The following TCF4 variants were observed in gnomAD, a reference collection of about 807,000 sequenced individuals.
TCF4 encodes the protein SL3-3 enhancer factor 2.
In TCF4, 3 loss-of-function variants were observed where a neutral mutation model predicts 82.1. The ratio of observed to expected loss-of-function variants is 0.04; its 90% CI spans 0.02 to 0.09. The LOEUF is 0.09. Ranked by LOEUF, TCF4 falls within the 10% of genes least tolerant of loss-of-function variation. TCF4 has a pLI of 1.00. For missense variants in TCF4, 518 were observed against 852.7 expected (o/e 0.61, Z 4.89); for synonymous variants, 276 against 309.6 (o/e 0.89, Z 1.14).
At chr18:55,557,148 T>C (rs1474651506) in intron 3 of TCF4, among the ~76,000 whole-genome samples, 1 of 152,244 alleles carries the variant, frequency 6.6e-6, no homozygotes, top group Non-Finnish European at 1.5e-5. Flanking sequence ...TTCCATGAAG[T>C]ATGGCATCAG....
At chr18:55,600,252 G>T (rs1242575424) in intron 2 of TCF4, among the ~76,000 whole-genome samples, 2 of 152,150 alleles carry the variant, frequency 1.3e-5, no homozygotes, top group African/African-American at 4.8e-5. Context: ...GCCTAGAATT[G>T]CTAGGTCACA....
chr18:55,574,661 C>T (rs1407559579), intron 3 of TCF4, among the ~76,000 whole-genome samples: 1 of 152,158 alleles, frequency 6.6e-6, no homozygotes, highest in Non-Finnish European at 1.5e-5. Flanking sequence ...TTCAAAAGTA[C>T]CTTCTTTGAA....
At chr18:55,424,731 T>C (rs143268526) in intron 5 of TCF4, among the ~76,000 whole-genome samples, 324 of 152,340 alleles carry the variant, frequency 2.1e-3, no homozygotes, top group African/African-American at 7.2e-3. Flanking sequence ...AATCATGTCT[T>C]CTTCCTTAAG....
At chr18:55,614,165 G>C (rs1603625449) in intron 2 of TCF4, among the ~76,000 whole-genome samples, 1 of 152,140 alleles carries the variant, frequency 6.6e-6, no homozygotes, top group South Asian at 2.1e-4. Context: ...AATGTGCGGG[G>C]ACTACAAGCA....
chr18:55,255,949 G>A (rs2145553898), intron 14 of TCF4, among the ~76,000 whole-genome samples: 1 of 152,268 alleles, frequency 6.6e-6, no homozygotes, highest in African/African-American at 2.4e-5. Flanking sequence ...TAATATAGTA[G>A]TCTATGGTAC....
At chr18:55,493,706 A>T (rs979891280) in intron 3 of TCF4, among the ~76,000 whole-genome samples, 2 of 152,200 alleles carry the variant, frequency 1.3e-5, no homozygotes, top group Non-Finnish European at 2.9e-5. Context: ...AATTAATACA[A>T]AATTACACAA....
intron 3 of TCF4, among the ~76,000 whole-genome samples, chr18:55,556,246 T>C (rs191622290): frequency 6.6e-6 from 1 of 152,172 alleles, no homozygotes; most frequent in East Asian, 1.9e-4. Flanking sequence ...CACAATGCTC[T>C]GTATCTCACA....
At chr18:55,489,622 A>C (rs2096554718) in intron 3 of TCF4, among the ~76,000 whole-genome samples, 1 of 152,190 alleles carries the variant, frequency 6.6e-6, no homozygotes. Context: ...AAACAAAAAA[A>C]CAAAAGAAAC....
chr18:55,378,141 A>G (rs1056546943), intron 6 of TCF4, among the ~76,000 whole-genome samples: 2 of 152,198 alleles, frequency 1.3e-5, no homozygotes, highest in Non-Finnish European at 2.9e-5. Flanking sequence ...TAATGTCACT[A>G]AAGTTATGAG....
At chr18:55,488,389 T>C (rs2145746463) in intron 3 of TCF4, among the ~76,000 whole-genome samples, 1 of 152,222 alleles carries the variant, frequency 6.6e-6, no homozygotes, top group African/African-American at 2.4e-5. Context: ...GGAGTGAAAT[T>C]GGTTTTTTTA....
Position 55,300,756 on chromosome 18 carries a change from C to T in TCF4, c.550-21100G>A, listed in dbSNP as rs192109243. Among the ~76,000 whole-genome samples, 54 of 152,112 alleles carry T rather than the reference C, an allele frequency of 3.6e-4. 1 individual carries two copies. The East Asian group carries it at 0.01, about 29-fold the overall frequency. On this transcript the variant is annotated intron_variant, in intron 8 of 19. Coordinates refer to ENST00000354452, the MANE Select transcript of TCF4 (RefSeq NM_001083962.2). ...CTCCCTCCCACCTTCCAATCCCCTGCTTGGCCCCTTGAGAGGGATGAAATT... is the reference window on the plus strand; with the variant it reads ...CTCCCTCCCACCTTCCAATCCCCTGTTTGGCCCCTTGAGAGGGATGAAATT...
intron 2 of TCF4, among the ~76,000 whole-genome samples, chr18:55,614,398 T>C (rs2097709917): frequency 6.6e-6 from 1 of 152,202 alleles, no homozygotes; most frequent in South Asian, 2.1e-4. Flanking sequence ...TAGTGTGTAG[T>C]GTGTAAGAGT....
intron 2 of TCF4, among the ~76,000 whole-genome samples, chr18:55,603,549 G>A (rs749490877): frequency 1.3e-5 from 2 of 152,108 alleles, no homozygotes; most frequent in African/African-American, 4.8e-5. Flanking sequence ...AACCCAGAAT[G>A]TATTTCTGTG....
intron 3 of TCF4, among the ~76,000 whole-genome samples, chr18:55,525,448 T>G (rs1349444381): frequency 2.6e-5 from 4 of 152,140 alleles, no homozygotes; most frequent in African/African-American, 9.7e-5. Flanking sequence ...GAAAAGTAAA[T>G]TCGAGGGCCA....
chr18:55,324,269 G>A (rs972417763), intron 8 of TCF4, among the ~76,000 whole-genome samples: 2 of 152,172 alleles, frequency 1.3e-5, no homozygotes, highest in African/African-American at 4.8e-5. Flanking sequence ...GGTGATCTAC[G>A]AATTATAGCC....
intron 3 of TCF4, among the ~76,000 whole-genome samples, chr18:55,506,875 T>C (rs1312708998): frequency 6.6e-6 from 1 of 151,662 alleles, no homozygotes; most frequent in Non-Finnish European, 1.5e-5. Context: ...TTCTTTTTTT[T>C]TTTTTGAGAT....
intron 3 of TCF4, among the ~76,000 whole-genome samples, chr18:55,543,052 G>A (rs549790117): frequency 6.6e-6 from 1 of 151,958 alleles, no homozygotes; most frequent in African/African-American, 2.4e-5. Flanking sequence ...TTTTACAGAG[G>A]CTCAAAGAAG....
At chr18:55,471,344 A>C (rs2096174503) in intron 3 of TCF4, among the ~76,000 whole-genome samples, 2 of 152,218 alleles carry the variant, frequency 1.3e-5, no homozygotes, top group Non-Finnish European at 2.9e-5. Context: ...AGAAGCTTCC[A>C]GCACTTCCCA....
At chr18:55,389,896 G>C (rs1274636267) in intron 6 of TCF4, among the ~76,000 whole-genome samples, 1 of 151,926 alleles carries the variant, frequency 6.6e-6, no homozygotes, top group African/African-American at 2.4e-5. Flanking sequence ...GAATTGATGA[G>C]ATCTGGAAAC....
Sources: allele counts gnomAD v4.1 joint callset (sites outside exome capture counted in the v4.1 genomes callset), GRCh38; gene constraint gnomAD v4.1.1; transcripts MANE v1.5; gene names NCBI Gene and HGNC (gene_info 2026-07-23, HGNC 2026-07-21).